ASPRV1: variants seen among roughly 807,000 people sequenced by gnomAD.
The protein encoded by ASPRV1 is retroviral-like aspartic protease 1.
A neutral mutation model predicts 11.0 loss-of-function variants in ASPRV1; 7 were observed. The ratio of observed to expected loss-of-function variants is 0.64; its 90% CI spans 0.36 to 1.20. The LOEUF (loss-of-function observed/expected upper bound fraction) is 1.20. Ranked by LOEUF, ASPRV1 falls within the 50% of genes most tolerant of loss-of-function variation. The pLI, the probability that ASPRV1 is intolerant of heterozygous loss-of-function variation, is 0.02. For synonymous variants in ASPRV1, 136 were observed against 138.4 expected, an observed-to-expected ratio of 0.98 and a Z score of 0.12; for missense variants, 299 against 320.0, an observed-to-expected ratio of 0.93 and a Z score of 0.50.
the ASPRV1 span, among the ~76,000 whole-genome samples, chr2:69,971,762 T>C: frequency 6.6e-6 from 1 of 152,174 alleles, no homozygotes; most frequent in African/African-American, 2.4e-5. Flanking sequence ...ATCTCCGTCC[T>C]GGAGCATTTG....
At chr2:70,019,603 C>T in the ASPRV1 span, among the ~76,000 whole-genome samples, 10 of 152,256 alleles carry the variant, frequency 6.6e-5, no homozygotes, top group Admixed American at 2.6e-4. Flanking sequence ...GAAATCCTGT[C>T]GTTTGTGACA....
rs1306142758 is a variant in ASPRV1, at chr2:69,960,586, G to A, written c.*71C>T. ...TGGCCAAGCCCAGTGACCCCCATGA[G>A]GATATGCAACCCCCCCCACAGCGGT... On this transcript the variant is annotated 3_prime_UTR_variant, in exon 1 of 1. Coordinates refer to ENST00000320256, the MANE Select transcript of ASPRV1 (RefSeq NM_152792.4). 1.4e-6 allele frequency: 2 copies of A among 1,474,938 alleles called. No individual in the cohort carries two copies. The highest frequency in any genetic ancestry group is 1.9e-5 in the Admixed American group (1 of 51,456). The allele number at this position is 1,474,938 out of a possible 1,614,324, so 91.4% of individuals were successfully genotyped here.
the ASPRV1 span, among the ~76,000 whole-genome samples, chr2:70,009,292 T>A: frequency 4.6e-4 from 69 of 151,428 alleles, no homozygotes; most frequent in African/African-American, 1.6e-3. Flanking sequence ...TATTCAGCAC[T>A]GCTTATATAA....
At chr2:69,989,868 T>C in the ASPRV1 span, among the ~76,000 whole-genome samples, 1 of 152,232 alleles carries the variant, frequency 6.6e-6, no homozygotes, top group Admixed American at 6.5e-5. Flanking sequence ...CCCTGGCACA[T>C]AGACAGGGTT....
the ASPRV1 span, among the ~76,000 whole-genome samples, chr2:70,016,503 T>C: frequency 6.6e-6 from 1 of 152,124 alleles, no homozygotes; most frequent in Admixed American, 6.6e-5. Flanking sequence ...ATTATGCCAC[T>C]GCACTCCAGC....
the ASPRV1 span, chr2:69,937,128 G>A: frequency 2.0e-5 from 28 of 1,432,320 alleles, no homozygotes; most frequent in East Asian, 1.4e-4. Flanking sequence ...ACCGAAAGGC[G>A]TCTGAGGAAG....
chr2:70,045,307 A>C, the ASPRV1 span: 1 of 152,222 alleles, frequency 6.6e-6, no homozygotes, highest in Non-Finnish European at 1.5e-5. Context: ...AAGTTACATA[A>C]CTTCTTTGAC....
At chr2:69,957,594 T>C (rs551299461), downstream of ASPRV1, among the ~76,000 whole-genome samples, 1 of 151,928 alleles carries the variant, frequency 6.6e-6, no homozygotes, top group East Asian at 1.9e-4. Context: ...TTATGTCCCC[T>C]AGAATCACTT....
chr2:69,955,032 T>C, the ASPRV1 span, among the ~76,000 whole-genome samples: 1 of 152,240 alleles, frequency 6.6e-6, no homozygotes, highest in South Asian at 2.1e-4. Flanking sequence ...GCCAATTGAT[T>C]AGCCCACAGT....
the ASPRV1 span, among the ~76,000 whole-genome samples, chr2:70,048,284 A>T: frequency 9.1e-4 from 133 of 145,970 alleles, no homozygotes; most frequent in African/African-American, 3.2e-3. Flanking sequence ...GCGTGGTGGC[A>T]GGTGCCTGTA....
At chr2:70,076,342 A>G in the ASPRV1 span, among the ~76,000 whole-genome samples, 1 of 152,216 alleles carries the variant, frequency 6.6e-6, no homozygotes, top group Non-Finnish European at 1.5e-5. Context: ...GACTTACACA[A>G]ATTACTTTAT....
chr2:70,074,641 G>A, the ASPRV1 span, among the ~76,000 whole-genome samples: 1 of 151,916 alleles, frequency 6.6e-6, no homozygotes, highest in Non-Finnish European at 1.5e-5. Context: ...AATATGGCAA[G>A]TTGGTGGCAG....
the ASPRV1 span, among the ~76,000 whole-genome samples, chr2:70,068,236 A>C: frequency 2.6e-5 from 4 of 152,228 alleles, no homozygotes; most frequent in African/African-American, 9.6e-5. Flanking sequence ...GCCAGCAGAA[A>C]TTTCAAAGAG....
the ASPRV1 span, among the ~76,000 whole-genome samples, chr2:70,017,720 TGTTA>T: frequency 2.6e-5 from 4 of 152,216 alleles, no homozygotes; most frequent in Non-Finnish European, 5.9e-5. Context: ...TTTGCTTGTC[TGTTA>T]GTATTTTTTT....
chr2:70,036,982 C>CA, the ASPRV1 span, among the ~76,000 whole-genome samples: 12 of 152,152 alleles, frequency 7.9e-5, no homozygotes, highest in Admixed American at 7.9e-4. Flanking sequence ...AGGGAAGAAC[C>CA]AAAATACCAC....
chr2:70,000,788 C>CAAAAAAAA, the ASPRV1 span, among the ~76,000 whole-genome samples: 49 of 42,032 alleles, frequency 1.2e-3, 1 homozygote, highest in Admixed American at 2.4e-3. Flanking sequence ...GACCCTGCCT[C>CAAAAAAAA]AAAAAAAAAA....
the ASPRV1 span, among the ~76,000 whole-genome samples, chr2:69,997,187 T>TAA: frequency 0.012 from 1,646 of 136,096 alleles, 23 homozygotes; most frequent in African/African-American, 0.03. Context: ...CCCAGTCTAT[T>TAA]AAAAAAAAAA....
At chr2:69,983,848 C>T in the ASPRV1 span, among the ~76,000 whole-genome samples, 1 of 152,154 alleles carries the variant, frequency 6.6e-6, no homozygotes, top group Non-Finnish European at 1.5e-5. Flanking sequence ...ACTGGTGGGG[C>T]TGTCAGCCCA....
the ASPRV1 span, among the ~76,000 whole-genome samples, chr2:70,014,262 T>C: frequency 6.6e-6 from 1 of 152,186 alleles, no homozygotes; most frequent in African/African-American, 2.4e-5. Context: ...TTGAAAAGCA[T>C]ATCTCTAGTA....
Sources: gnomAD v4.1 joint callset for allele counts (sites outside exome capture counted in the v4.1 genomes callset) on GRCh38, gnomAD v4.1.1 for gene constraint, MANE v1.5 for transcripts, NCBI Gene and HGNC (gene_info 2026-07-23, HGNC 2026-07-21) for gene names.